The following GABPB1 variants were observed in gnomAD, a reference collection of about 807,000 sequenced individuals.
GABPB1 encodes GA-binding protein subunit beta-1.
Under a neutral mutation model 45.9 loss-of-function variants are expected in GABPB1, and 15 were observed. That is an observed-to-expected ratio of 0.33 (90% CI 0.22 to 0.50). The LOEUF is 0.50. GABPB1 is among the 20% of genes least tolerant of loss of function. The pLI is 0.98. For synonymous variants in GABPB1, 143 were observed against 154.4 expected, an observed-to-expected ratio of 0.93 and a Z score of 0.55; for missense variants, 252 against 457.5, an observed-to-expected ratio of 0.55 and a Z score of 4.10.
chr15:50,336,542 G>C (rs2048134828), intron 1 of GABPB1, among the ~76,000 whole-genome samples: 2 of 151,738 alleles, frequency 1.3e-5, no homozygotes, highest in African/African-American at 2.4e-5. Flanking sequence ...AATTAGCCAG[G>C]CATGGTGGCA....
intron 1 of GABPB1, among the ~76,000 whole-genome samples, chr15:50,311,681 G>A (rs2047136760): frequency 6.6e-6 from 1 of 152,108 alleles, no homozygotes; most frequent in South Asian, 2.1e-4. Context: ...TTCAGATAAG[G>A]GATACTCAAC....
intron 8 of GABPB1, 146 bp downstream of exon 8, chr15:50,285,922 A>C (rs1205955508): frequency 7.0e-7 from 1 of 1,422,138 alleles, no homozygotes; most frequent in Admixed American, 2.7e-5. Context: ...TGCTATATGT[A>C]TAAGGCAAAA....
intron 1 of GABPB1, among the ~76,000 whole-genome samples, chr15:50,313,309 A>G (rs2047195034): frequency 6.6e-6 from 1 of 152,184 alleles, no homozygotes; most frequent in Non-Finnish European, 1.5e-5. Flanking sequence ...CATAAAGTAA[A>G]TAATTTTAAA....
intron 8 of GABPB1, among the ~76,000 whole-genome samples, chr15:50,284,201 A>T (rs917856440): frequency 6.6e-6 from 1 of 152,178 alleles, no homozygotes; most frequent in Non-Finnish European, 1.5e-5. Context: ...CATGTATTAT[A>T]AGGAAATTAT....
chr15:50,327,613 A>T (rs2141116082), intron 1 of GABPB1, among the ~76,000 whole-genome samples: 1 of 152,298 alleles, frequency 6.6e-6, no homozygotes, highest in East Asian at 1.9e-4. Context: ...GTAGAGTTTA[A>T]GATGGGATGA....
At chr15:50,332,473 T>C (rs1042437587) in intron 1 of GABPB1, among the ~76,000 whole-genome samples, 1 of 152,178 alleles carries the variant, frequency 6.6e-6, no homozygotes, top group African/African-American at 2.4e-5. Context: ...AATCTTTTTT[T>C]AGATAATTGG....
intron 1 of GABPB1, among the ~76,000 whole-genome samples, chr15:50,322,491 A>C (rs2047608637): frequency 6.6e-6 from 1 of 151,890 alleles, no homozygotes; most frequent in Non-Finnish European, 1.5e-5. Flanking sequence ...GGTTGCAGTG[A>C]CCCAAGATTG....
intron 1 of GABPB1, among the ~76,000 whole-genome samples, chr15:50,336,564 T>C (rs1014799454): frequency 1.3e-5 from 2 of 149,474 alleles, no homozygotes; most frequent in Non-Finnish European, 3.0e-5. Context: ...ACAGCTGTGG[T>C]CCCAGCTACT....
At chr15:50,324,839 G>A (rs573430511) in intron 1 of GABPB1, among the ~76,000 whole-genome samples, 3 of 152,100 alleles carry the variant, frequency 2.0e-5, no homozygotes, top group East Asian at 1.9e-4. Context: ...GAGCCACCCC[G>A]CCTGGCCTCT....
chr15:50,278,598 C>G lies in GABPB1; in HGVS notation c.*34G>C. On this transcript the variant is annotated 3_prime_UTR_variant, in exon 9 of 9. Coordinates refer to ENST00000380877, the MANE Select transcript of GABPB1 (RefSeq NM_016654.5). The stretch of plus-strand genomic sequence containing the variant: ...AGTTCAAGATTGTATTCTTTCTTGA[C>G]CAAAAGTAAAATCAAACTACATGTT... 1 of 1,594,242 alleles carries G rather than the reference C, an allele frequency of 6.3e-7. No individual in the cohort carries two copies. Among genetic ancestry groups the G allele is most frequent in the Non-Finnish European group, 8.6e-7 (1 of 1,167,746 alleles).
intron 1 of GABPB1, among the ~76,000 whole-genome samples, chr15:50,312,529 C>T (rs748625295): frequency 4.3e-4 from 66 of 152,224 alleles, no homozygotes; most frequent in Non-Finnish European, 3.7e-4. Context: ...AAATTAACAT[C>T]ATATTCAACA....
chr15:50,282,672 CATTTT>C (rs1384020216), intron 8 of GABPB1, among the ~76,000 whole-genome samples: 1 of 144,854 alleles, frequency 6.9e-6, no homozygotes, highest in African/African-American at 2.6e-5. Context: ...TCAAATAAAA[CATTTT>C]ATAAAGTTTA....
intron 1 of GABPB1, among the ~76,000 whole-genome samples, chr15:50,332,504 C>A (rs570169962): frequency 6.6e-6 from 1 of 152,072 alleles, no homozygotes; most frequent in Non-Finnish European, 1.5e-5. Flanking sequence ...ATACTAACTA[C>A]ATAATGCTAA....
At chr15:50,318,652 G>A (rs2047436992) in intron 1 of GABPB1, among the ~76,000 whole-genome samples, 1 of 152,122 alleles carries the variant, frequency 6.6e-6, no homozygotes, top group Non-Finnish European at 1.5e-5. Context: ...AGACCTAGAA[G>A]GCAAACCCAG....
intron 8 of GABPB1, chr15:50,285,743 A>G (rs1253709613): frequency 5.2e-6 from 5 of 969,424 alleles, no homozygotes; most frequent in Non-Finnish European, 6.4e-6. Flanking sequence ...TAGCCAATAT[A>G]TACTGGTATT....
At chr15:50,320,647 T>C (rs928925103) in intron 1 of GABPB1, among the ~76,000 whole-genome samples, 1 of 152,152 alleles carries the variant, frequency 6.6e-6, no homozygotes, top group Admixed American at 6.5e-5. Flanking sequence ...GCAGAAATGA[T>C]TAAATTAAGG....
At chr15:50,322,756 G>A (rs1014773801) in intron 1 of GABPB1, among the ~76,000 whole-genome samples, 6 of 152,144 alleles carry the variant, frequency 3.9e-5, no homozygotes, top group Admixed American at 6.5e-5. Flanking sequence ...GCCAGGCACG[G>A]TGGCTCATGC....
intron 1 of GABPB1, among the ~76,000 whole-genome samples, chr15:50,334,294 T>C (rs920434978): frequency 6.6e-5 from 10 of 151,922 alleles, no homozygotes; most frequent in African/African-American, 2.4e-4. Flanking sequence ...CCTTCTGGAA[T>C]TCCAATTAAG....
At position 50,312,766 on chromosome 15, in the gene GABPB1, T is replaced by C. The variant is rs139755853; in HGVS notation, c.1-2968A>G. Among the ~76,000 whole-genome samples the C allele has an allele frequency of 9.8e-5, 15 of 152,366 alleles. No individual in the cohort carries two copies. The East Asian group carries it at 2.7e-3, about 27-fold the overall frequency. On this transcript the variant is annotated intron_variant, in intron 1 of 8. Transcript: ENST00000380877. ...GTAATATAAAATCAGTTTGCATTCA[T>C]TCAGCATACATACTGCCAAATGGTT...
Sources: allele counts gnomAD v4.1 joint callset (sites outside exome capture counted in the v4.1 genomes callset), GRCh38; gene constraint gnomAD v4.1.1; transcripts MANE v1.5; gene names NCBI Gene and HGNC (gene_info 2026-07-23, HGNC 2026-07-21).